Variants in STXBP2 observed in about 807,000 individuals in gnomAD.
STXBP2 encodes syntaxin binding protein 2, also known as syntaxin-binding protein 2.
In STXBP2, 47 loss-of-function variants were observed where a neutral mutation model predicts 72.2. The ratio of observed to expected loss-of-function variants is 0.65; its 90% CI spans 0.51 to 0.83. STXBP2 has a LOEUF of 0.83. Ranked by LOEUF, STXBP2 falls within the 40% of genes least tolerant of loss-of-function variation. The probability of loss-of-function intolerance (pLI) is 0.00; values close to 1 mark genes in which losing one functional copy is unlikely to be tolerated. For missense variants in STXBP2, 702 were observed against 807.6 expected (o/e 0.87, Z 1.58); for synonymous variants, 367 against 338.7 (o/e 1.08, Z -0.92).
Position 7,640,977 on chromosome 19 carries a change from C to T in STXBP2, c.403C>T (p.Leu135Phe), listed in dbSNP as rs766694710. ...GGTGAAGACGTTGAAGGAGATTCAC[C>T]TTGCCTTCCTCCCCTACGAGGCCCA... The part of the protein sequence containing the change: ...KVVKTLKEIH[L>F]AFLPYEAQVF... Residue 135 changes from leucine (L) to phenylalanine (F), a missense_variant, in exon 6 of 19, where the codon CTT becomes TTT. By Grantham distance (22) the Leu-to-Phe change is conservative. Coordinates refer to ENST00000221283, the MANE Select transcript of STXBP2 (RefSeq NM_006949.4). The T allele has an allele frequency of 8.1e-6, 13 of 1,614,174 alleles. No individual in the cohort carries two copies. Among genetic ancestry groups the T allele is most frequent in the Middle Eastern group, 1.6e-4 (1 of 6,062 alleles).
At chr19:7,637,376 A>G (rs1410666003) in intron 1 of STXBP2, among the ~76,000 whole-genome samples, 190 bp downstream of exon 1, 1 of 152,070 alleles carries the variant, frequency 6.6e-6, no homozygotes, top group African/African-American at 2.4e-5. Context: ...CCGGTGCCAG[A>G]ACAGAACAAA....
intron 16 of STXBP2, 46 bp downstream of exon 16, chr19:7,646,390 T>C: frequency 6.5e-7 from 1 of 1,538,766 alleles, no homozygotes; most frequent in Non-Finnish European, 8.9e-7. Flanking sequence ...CCGCATCGGC[T>C]GGCGGCTCAG....
At chr19:7,644,182 G>A (rs112697782) in intron 13 of STXBP2, among the ~76,000 whole-genome samples, 1,321 of 61,968 alleles carry the variant, frequency 0.021, 16 homozygotes, top group East Asian at 0.052. Context: ...GAGGGGTGGA[G>A]CCTCGGAGAG....
chr19:7,639,027 C>A lies in STXBP2; in HGVS notation c.96C>A (p.Ile32=). 6.2e-7 allele frequency: 1 copy of A among 1,614,242 alleles called. No homozygotes were observed. Among genetic ancestry groups the A allele is most frequent in the Non-Finnish European group, 8.5e-7 (1 of 1,180,044 alleles). ...VKKDGEWKVL[I]MDHPSMRILS... ...TCCATCCATCTGGACAGGTGCTTAT[C>A]ATGGATCACCCAAGCATGCGCATCT... The change falls in exon 3 of 19, where the codon ATC becomes ATA. Residue 32 remains isoleucine, a synonymous_variant. Transcript: ENST00000221283.
At chr19:7,636,943 C>T (rs116222519), upstream of STXBP2, 1 of 429,138 alleles carries the variant, frequency 2.3e-6, no homozygotes, top group Admixed American at 4.4e-5. Flanking sequence ...CCAGCGACTT[C>T]GTGCTCGGCA....
upstream of STXBP2, among the ~76,000 whole-genome samples, chr19:7,634,388 C>A (rs1186698155): frequency 2.0e-5 from 3 of 152,220 alleles, no homozygotes; most frequent in Non-Finnish European, 4.4e-5. Context: ...TCTGCCCGAG[C>A]CTCCTCTGTT....
upstream of STXBP2, chr19:7,632,928 C>T: frequency 6.7e-7 from 1 of 1,495,376 alleles, no homozygotes; most frequent in Non-Finnish European, 8.9e-7. This position sits in a 1 kb window ranked among gnomAD's most constrained non-coding sequence, Gnocchi z 5.2. Context: ...CCGGGGCCTG[C>T]CGTCCCCACT....
chr19:7,641,094 G>A lies in STXBP2; in HGVS notation c.429+91G>A, dbSNP rs767425998. Reference sequence around the variant, plus strand: ...GAAACAGACACTGAGGCTGGGCGCAGTGGCTCATACCTGTAATCCCAGCGC... The same window carrying A: ...GAAACAGACACTGAGGCTGGGCGCAATGGCTCATACCTGTAATCCCAGCGC... On this transcript the variant is annotated intron_variant, in intron 6 of 18. Transcript: ENST00000221283. The A allele has an allele frequency of 6.6e-6, 9 of 1,364,468 alleles. No individual in the cohort carries two copies. In the South Asian group the frequency reaches 7.2e-5, roughly 11 times the overall value. 84.5% of individuals were successfully genotyped at this position (1,364,468 alleles called of 1,614,324 possible).
chr19:7,633,656 G>A, upstream of STXBP2: 2 of 604,558 alleles, frequency 3.3e-6, no homozygotes, highest in Non-Finnish European at 5.8e-6. Context: ...TGCTGGATCT[G>A]GCATGGTGGG....
intron 6 of STXBP2, among the ~76,000 whole-genome samples, 192 bp from the exon 7 acceptor site, chr19:7,641,513 C>T (rs745402459): frequency 2.6e-5 from 4 of 152,114 alleles, no homozygotes; most frequent in South Asian, 2.1e-4. Flanking sequence ...TTAAGGGACA[C>T]GGGCTGGGGT....
At chr19:7,636,826 C>G (rs1426448886), upstream of STXBP2, 1 of 311,328 alleles carries the variant, frequency 3.2e-6, no homozygotes, top group Admixed American at 5.1e-5. Context: ...CACAGAACCT[C>G]CCGGGGAAGA....
At chr19:7,632,476 G>T, upstream of STXBP2, 1 of 1,613,844 alleles carries the variant, frequency 6.2e-7, no homozygotes. The surrounding 1 kb of genome is among the most constrained non-coding windows in gnomAD (Gnocchi z 5.2). Context: ...GTACTGGCCA[G>T]CATGTCCATG....
the STXBP2 span, chr19:7,631,407 G>T: frequency 1.4e-5 from 12 of 863,440 alleles, no homozygotes; most frequent in South Asian, 1.9e-5. Flanking sequence ...GGCGGGGGGG[G>T]GTGGTCCCGG....
At chr19:7,640,367 CGT>C (rs534830594) in intron 4 of STXBP2, 337 of 538,966 alleles carry the variant, frequency 6.3e-4, no homozygotes, top group Middle Eastern at 3.0e-3. Flanking sequence ...TGTGTGTATG[CGT>C]GTGTGTGCGC....
chr19:7,635,338 C>T (rs951272098), upstream of STXBP2, among the ~76,000 whole-genome samples: 9 of 152,246 alleles, frequency 5.9e-5, no homozygotes, highest in African/African-American at 2.2e-4. Flanking sequence ...AAGCCATTGA[C>T]TTACGCACCT....
At chr19:7,641,315 A>C in intron 6 of STXBP2, 1 of 497,484 alleles carries the variant, frequency 2.0e-6, no homozygotes, top group East Asian at 3.8e-5. Context: ...GGCTGCAGTG[A>C]GCTATGATTG....
intron 6 of STXBP2, chr19:7,641,220 A>C (rs1568466639): frequency 1.8e-5 from 11 of 607,660 alleles, no homozygotes; most frequent in East Asian, 6.2e-5. Flanking sequence ...AAAGAAAGAA[A>C]TTAGCTTGGC....
the STXBP2 span, chr19:7,630,864 C>G: frequency 9.8e-6 from 15 of 1,537,060 alleles, no homozygotes; most frequent in Admixed American, 2.0e-5. Flanking sequence ...ATCTCTTCTT[C>G]CTGCCAGAGG....
the STXBP2 span, chr19:7,630,870 A>C: frequency 1.3e-6 from 2 of 1,537,190 alleles, no homozygotes; most frequent in Non-Finnish European, 1.7e-6. Context: ...TCTTCCTGCC[A>C]GAGGGATGGA....
Sources: gnomAD v4.1 joint callset for allele counts (sites outside exome capture counted in the v4.1 genomes callset) on GRCh38, gnomAD v4.1.1 for gene constraint, Gnocchi (gnomAD v3.1) non-coding constraint, MANE v1.5 for transcripts, NCBI Gene and HGNC (gene_info 2026-07-23, HGNC 2026-07-21) for gene names.